The following UBE2L3 variants were observed in gnomAD, a reference collection of about 807,000 sequenced individuals.
UBE2L3 encodes the protein ubiquitin-conjugating enzyme E2 L3.
A neutral mutation model predicts 17.8 loss-of-function variants in UBE2L3; 1 was observed. The observed-to-expected ratio is 0.06, with a 90% CI of 0.02 to 0.27. The LOEUF (loss-of-function observed/expected upper bound fraction) is 0.27, where lower values mean the gene tolerates loss of function less well. Ranked by LOEUF, UBE2L3 falls within the 10% of genes least tolerant of loss-of-function variation. UBE2L3 has a pLI of 1.00. For missense variants in UBE2L3, 40 were observed against 192.6 expected, an observed-to-expected ratio of 0.21 and a Z score of 4.69; for synonymous variants, 44 against 68.5, an observed-to-expected ratio of 0.64 and a Z score of 1.76.
At chr22:21,611,916 G>C (rs1929499287) in intron 3 of UBE2L3, among the ~76,000 whole-genome samples, 1 of 152,170 alleles carries the variant, frequency 6.6e-6, no homozygotes, top group African/African-American at 2.4e-5. Flanking sequence ...TGCTGCTCTA[G>C]GGTAGGGGCT....
At chr22:21,582,713 A>T (rs1178653238) in intron 1 of UBE2L3, among the ~76,000 whole-genome samples, 1 of 151,884 alleles carries the variant, frequency 6.6e-6, no homozygotes, top group African/African-American at 2.4e-5. Flanking sequence ...TTTAGTAGAG[A>T]CGAGGTTTCA....
intron 1 of UBE2L3, among the ~76,000 whole-genome samples, chr22:21,574,420 G>A (rs1321944952): frequency 6.6e-6 from 1 of 152,168 alleles, no homozygotes; most frequent in East Asian, 1.9e-4. Context: ...TAGTAAGTGT[G>A]AGCTACTTGT....
chr22:21,583,134 C>G (rs970978329), intron 1 of UBE2L3, among the ~76,000 whole-genome samples: 1 of 152,200 alleles, frequency 6.6e-6, no homozygotes, highest in Non-Finnish European at 1.5e-5. Flanking sequence ...TTCTGCTTCC[C>G]TAACGCCCCC....
At chr22:21,563,900 C>T (rs754168949), upstream of UBE2L3, among the ~76,000 whole-genome samples, 7 of 151,876 alleles carry the variant, frequency 4.6e-5, no homozygotes, top group Non-Finnish European at 8.8e-5. Context: ...ATATGGTAGT[C>T]TTTCTATGTT....
At chr22:21,590,389 G>T (rs1928190912) in intron 1 of UBE2L3, among the ~76,000 whole-genome samples, 1 of 152,056 alleles carries the variant, frequency 6.6e-6, no homozygotes, top group Non-Finnish European at 1.5e-5. Flanking sequence ...GTAGAGATGG[G>T]GTTTCGCCAT....
chr22:21,568,147 C>G, intron 1 of UBE2L3: 6 of 1,023,508 alleles, frequency 5.9e-6, no homozygotes, highest in Non-Finnish European at 7.0e-6. Context: ...GCCCGAGCGC[C>G]GGAGCCCCTG....
chr22:21,567,840 C>G, intron 1 of UBE2L3, 69 bp downstream of exon 1: 1 of 1,553,982 alleles, frequency 6.4e-7, no homozygotes, highest in Non-Finnish European at 8.7e-7. Flanking sequence ...CCGAGGCAGG[C>G]GGCGGCTTCT....
At chr22:21,567,367 G>A (rs937686686), upstream of UBE2L3, among the ~76,000 whole-genome samples, 2 of 152,134 alleles carry the variant, frequency 1.3e-5, no homozygotes, top group South Asian at 4.1e-4. Context: ...GTTTCACCAC[G>A]TTGGCCAGGC....
chr22:21,591,143 C>G (rs1928244228), intron 1 of UBE2L3, among the ~76,000 whole-genome samples: 1 of 152,160 alleles, frequency 6.6e-6, no homozygotes, highest in Non-Finnish European at 1.5e-5. Context: ...CCTCCTTATG[C>G]AGGGAAAGAG....
At chr22:21,567,567 T>C (rs1926692013), upstream of UBE2L3, 1 of 1,389,506 alleles carries the variant, frequency 7.2e-7, no homozygotes, top group African/African-American at 1.5e-5. Context: ...GCCCAGTCTG[T>C]GCGGTTCACT....
At chr22:21,595,726 ACAT>A (rs1928481862) in intron 2 of UBE2L3, among the ~76,000 whole-genome samples, 1 of 152,128 alleles carries the variant, frequency 6.6e-6, no homozygotes, top group Non-Finnish European at 1.5e-5. Context: ...ACCCATAATC[ACAT>A]CATCAAGAAA....
At chr22:21,588,700 G>A (rs1354064997) in intron 1 of UBE2L3, among the ~76,000 whole-genome samples, 1 of 151,424 alleles carries the variant, frequency 6.6e-6, no homozygotes, top group African/African-American at 2.4e-5. Context: ...GTCTTGCTCT[G>A]TCACTCAGGC....
At chr22:21,587,947 A>G (rs1045016908) in intron 1 of UBE2L3, among the ~76,000 whole-genome samples, 1 of 152,122 alleles carries the variant, frequency 6.6e-6, no homozygotes, top group Non-Finnish European at 1.5e-5. Flanking sequence ...AGTGGACCTC[A>G]TTCTGAGAAG....
upstream of UBE2L3, among the ~76,000 whole-genome samples, chr22:21,565,042 C>A (rs1926578666): frequency 6.6e-6 from 1 of 151,958 alleles, no homozygotes. Context: ...CGTGTCAAGC[C>A]TGGGCTCCCA....
chr22:21,583,496 G>C (rs1449752928), intron 1 of UBE2L3, among the ~76,000 whole-genome samples: 2 of 152,194 alleles, frequency 1.3e-5, no homozygotes. Flanking sequence ...GAGACTTGCT[G>C]CCCATAGTAC....
chr22:21,623,001 C>T lies in UBE2L3; in HGVS notation c.*1332C>T, dbSNP rs1412148711. On this transcript the variant is annotated 3_prime_UTR_variant, in exon 4 of 4. Transcript: ENST00000342192. ...CAAGGCAAATGGGATTGTCCCCGCA[C>T]TAGTAGAGAATCCATGTCGCTCTGA... 1 of 152,344 alleles carries T rather than the reference C, an allele frequency of 6.6e-6. No individual in the cohort carries two copies. The highest frequency in any genetic ancestry group is 1.5e-5 in the Non-Finnish European group (1 of 68,040). The allele number at this position is 152,344 out of a possible 1,614,324, so 9.4% of individuals were successfully genotyped here. A position where few individuals can be genotyped will look rare whatever the true frequency, so the allele number is the denominator to read the frequency against.
Position 21,570,031 on chromosome 22 carries a change from CTGTG to C in UBE2L3, c.27+2261_27+2264del, listed in dbSNP as rs1926871831. ...AGGTTCAACTCCAGTGCCAACTACT[CTGTG>C]AGCCCGTGCTCCCACATCCCCCTTC... On this transcript the variant is annotated intron_variant, in intron 1 of 3. Transcript: ENST00000342192. Among the ~76,000 whole-genome samples, 13 of 152,372 alleles carry C rather than the reference CTGTG, an allele frequency of 8.5e-5. No individual in the cohort carries two copies. In the South Asian group the frequency reaches 1.9e-3, roughly 22 times the overall value.
intron 1 of UBE2L3, among the ~76,000 whole-genome samples, chr22:21,590,089 G>T (rs962563310): frequency 6.6e-6 from 1 of 152,040 alleles, no homozygotes; most frequent in Non-Finnish European, 1.5e-5. Flanking sequence ...CCTTTTTCTT[G>T]AGCAAGATAC....
intron 3 of UBE2L3, among the ~76,000 whole-genome samples, chr22:21,617,623 C>T (rs1050624237): frequency 1.3e-5 from 2 of 152,036 alleles, no homozygotes; most frequent in South Asian, 4.1e-4. Context: ...TTCTGAGGAG[C>T]ATTTGGGTCA....
Sources: allele counts gnomAD v4.1 joint callset (sites outside exome capture counted in the v4.1 genomes callset), GRCh38; gene constraint gnomAD v4.1.1; transcripts MANE v1.5; gene names NCBI Gene and HGNC (gene_info 2026-07-23, HGNC 2026-07-21).